Variants in AHNAK observed in about 807,000 individuals in gnomAD.
The protein encoded by AHNAK is neuroblast differentiation-associated protein AHNAK.
AHNAK carries 23 observed loss-of-function variants against 37.8 expected under a neutral mutation model. The observed-to-expected ratio is 0.61, with a 90% confidence interval of 0.44 to 0.86. AHNAK has a LOEUF of 0.86. Ranked by LOEUF, AHNAK falls within the 40% of genes least tolerant of loss-of-function variation. AHNAK has a pLI of 0.00. For missense variants in AHNAK, 7,411 were observed against 7,319.4 expected, an observed-to-expected ratio of 1.01 and a Z score of -0.46; for synonymous variants, 2,481 against 2,636.3, an observed-to-expected ratio of 0.94 and a Z score of 1.80.
Position 62,523,974 on chromosome 11 carries a change from T to TTTGGGCATTTTCATC in AHNAK, c.10428_10442dup (p.Met3477_Lys3481dup), listed in dbSNP as rs749918181. 3.1e-6 allele frequency: 5 copies of TTTGGGCATTTTCATC among 1,612,550 alleles called. No homozygotes were observed. The African/African-American group carries it at 6.7e-5, about 22-fold the overall frequency. On this transcript the variant is annotated inframe_insertion, in exon 5 of 5. Transcript: ENST00000378024. ...CTGCTTTTAAGCCAGACACACTGAA[T>TTTGGGCATTTTCATC]TTGGGCATTTTCATCTTGGGCATTT... is the stretch of plus-strand genomic sequence containing the variant.
Position 62,536,022 on chromosome 11 carries a change from G to C in AHNAK, c.77C>G (p.Ala26Gly). 6.2e-7 allele frequency: 1 copy of C among 1,612,640 alleles called. No individual in the cohort carries two copies. The highest frequency in any genetic ancestry group is 8.5e-7 in the Non-Finnish European group (1 of 1,179,286). Residue 26 changes from alanine (A) to glycine (G), a missense_variant, in exon 3 of 5, where the codon GCC (alanine) becomes GGC (glycine). Ala to Gly is a moderately conservative substitution (Grantham distance 60, BLOSUM62 0). Coordinates refer to ENST00000378024, the MANE Select transcript of AHNAK (RefSeq NM_001620.3). ...QGSGSHGLTI[A>G]QRDDGVFVQE... ...CACAAAGACGCCGTCGTCCCTCTGGGCGATGGTCAGCCCGTGGGAGCCACT... is the reference window on the plus strand; with the variant it reads ...CACAAAGACGCCGTCGTCCCTCTGGCCGATGGTCAGCCCGTGGGAGCCACT...
At chr11:62,461,143 CTTTTT>C (rs71056521) in intron 5 of AHNAK, among the ~76,000 whole-genome samples, 2 of 79,838 alleles carry the variant, frequency 2.5e-5, no homozygotes, top group Non-Finnish European at 4.5e-5. Flanking sequence ...CCAAATTCCC[CTTTTT>C]TTTTTTTTTT....
In AHNAK at chr11:62,524,647, C is replaced by T; in HGVS notation, c.9770G>A (p.Gly3257Asp). ...DLKGPALDIK[G>D]PKIDVDAPDI... is the part of the protein sequence containing the mutation. ...TGGAGCATCTACATCTATCTTTGGG[C>T]CTTTTATGTCAAGAGCAGGTCCTTT... is the stretch of plus-strand genomic sequence containing the variant. The change falls in exon 5 of 5, where the codon GGC (glycine) becomes GAC (aspartate). Residue 3257 changes from glycine to aspartate, a missense_variant. By Grantham distance (94) the Gly-to-Asp change is moderately conservative. Coordinates refer to ENST00000378024, the MANE Select transcript of AHNAK (RefSeq NM_001620.3). 6.2e-7 allele frequency: 1 copy of T among 1,614,178 alleles called. No individual in the cohort carries two copies. The highest frequency in any genetic ancestry group is 8.5e-7 in the Non-Finnish European group (1 of 1,180,030).
intron 1 of AHNAK, among the ~76,000 whole-genome samples, chr11:62,539,888 C>T (rs1385636534): frequency 6.6e-6 from 1 of 152,200 alleles, no homozygotes. Context: ...CCATTCAGTT[C>T]CGCGGAAGGG....
chr11:62,529,866 C>A lies in AHNAK; in HGVS notation c.4551G>T (p.Lys1517Asn), dbSNP rs371736964. 5.6e-6 allele frequency: 9 copies of A among 1,613,766 alleles called. No individual in the cohort carries two copies. The African/African-American group carries it at 1.2e-4, about 22-fold the overall frequency. Residue 1517 changes from lysine (K) to asparagine (N), a missense_variant, in exon 5 of 5, where the codon AAG becomes AAT. Lys to Asn is a moderately conservative substitution (Grantham distance 94). Coordinates refer to ENST00000378024, the MANE Select transcript of AHNAK (RefSeq NM_001620.3). ...CTCCTTTAAAGCCAGGCATGCTGAA[C>A]TTGGGCATTTTTACCTTGGGCATCT... ...HLKMPKVKMP[K>N]FSMPGFKGEG...
chr11:62,518,961 C>A lies in AHNAK; in HGVS notation c.15456G>T (p.Val5152=), dbSNP rs200216836. The A allele has an allele frequency of 1.2e-6, 2 of 1,614,152 alleles. No individual in the cohort carries two copies. Among genetic ancestry groups the A allele is most frequent in the African/African-American group, 2.7e-5 (2 of 75,028 alleles). The change falls in exon 5 of 5, where the codon GTG becomes GTT. Residue 5152 remains valine, a synonymous_variant. Transcript: ENST00000378024. ...CTTTCAGGTCACCCTCTATTTTTGG[C>A]ACTGAGATGTCCACATCTGGCATCT... The part of the protein sequence containing the change: ...KVKMPDVDIS[V]PKIEGDLKGP...
intron 4 of AHNAK, among the ~76,000 whole-genome samples, chr11:62,500,227 C>G (rs552263740): frequency 6.6e-6 from 1 of 152,094 alleles, no homozygotes. Context: ...AAACGAGGAC[C>G]GTAGTAAACG....
intron 1 of AHNAK, among the ~76,000 whole-genome samples, chr11:62,542,596 T>C (rs1941164539): frequency 1.3e-5 from 2 of 152,188 alleles, no homozygotes; most frequent in African/African-American, 2.4e-5. Context: ...CATGCTACAG[T>C]GAGCTTGGAA....
At chr11:62,546,457 C>A (rs1367158364) in intron 1 of AHNAK, among the ~76,000 whole-genome samples, 6 of 152,246 alleles carry the variant, frequency 3.9e-5, no homozygotes, top group Admixed American at 3.9e-4. Context: ...AACCAACTTG[C>A]GCCCCAACTC....
rs1352152898 is a variant in AHNAK, at chr11:62,523,643, C to A, written c.10774G>T (p.Asp3592Tyr). The A allele has an allele frequency of 6.2e-7, 1 of 1,614,008 alleles. No homozygotes were observed. The highest frequency in any genetic ancestry group is 8.5e-7 in the Non-Finnish European group (1 of 1,180,026). ...PKVDINAPDVDVHGPDWHLKM... is the reference protein window; with the variant it reads ...PKVDINAPDVYVHGPDWHLKM... ...AGATGCCAGTCTGGACCATGAACAT[C>A]CACATCTGGGGCATTGATGTCCACT... The change falls in exon 5 of 5, where the codon GAT (aspartate) becomes TAT (tyrosine). Residue 3592 changes from aspartate (D) to tyrosine (Y), a missense_variant. Physicochemically the swap from Asp to Tyr is radical, Grantham distance 160. Coordinates refer to ENST00000378024, the MANE Select transcript of AHNAK (RefSeq NM_001620.3).
chr11:62,506,799 G>A (rs985265119), intron 4 of AHNAK, among the ~76,000 whole-genome samples: 4 of 151,976 alleles, frequency 2.6e-5, no homozygotes, highest in Non-Finnish European at 5.9e-5. Flanking sequence ...AAGGACCCAG[G>A]GTGGCCCGGG....
chr11:62,465,297 G>A lies in AHNAK; in HGVS notation c.442+26435C>T, dbSNP rs143317831. On this transcript the variant is annotated intron_variant, in intron 5 of 5. Coordinates refer to the AHNAK transcript ENST00000257247. ...TGAATGGAATCTTATTTGGAAACAC[G>A]GTCTTTGCAGATGTGATCAAATTTT... Among the ~76,000 whole-genome samples, 412 of 152,228 alleles carry A rather than the reference G, an allele frequency of 2.7e-3. 2 individuals are homozygous for A. Among genetic ancestry groups the A allele is most frequent in the Admixed American group, 0.024 (364 of 15,264 alleles).
downstream of AHNAK, among the ~76,000 whole-genome samples, chr11:62,512,134 A>G: frequency 6.6e-6 from 1 of 152,198 alleles, no homozygotes; most frequent in East Asian, 1.9e-4. This position sits in a 1 kb window ranked among gnomAD's most constrained non-coding sequence, Gnocchi z 4.0. Flanking sequence ...GGCGTGAGCC[A>G]CTGCACCTGG....
chr11:62,492,652 T>G (rs1387762026), intron 4 of AHNAK, among the ~76,000 whole-genome samples: 2 of 152,062 alleles, frequency 1.3e-5, no homozygotes, highest in African/African-American at 4.8e-5. Context: ...GAGGATCACC[T>G]GAGCCTAGGA....
chr11:62,454,596 ACCCTGGGG>A (rs1417766721), intron 5 of AHNAK, among the ~76,000 whole-genome samples: 1 of 152,124 alleles, frequency 6.6e-6, no homozygotes, highest in East Asian at 1.9e-4. Flanking sequence ...GCAGGATGCC[ACCCTGGGG>A]ACCCGCTCCT....
At chr11:62,489,012 G>A (rs1465619356) in intron 5 of AHNAK, among the ~76,000 whole-genome samples, 13 of 151,988 alleles carry the variant, frequency 8.6e-5, no homozygotes, top group Admixed American at 7.2e-4. Context: ...AGGCCCAGGC[G>A]GGTGGATCAC....
chr11:62,531,060 G>A lies in AHNAK; in HGVS notation c.3357C>T (p.Gly1119=), dbSNP rs1331637709. Residue 1119 remains glycine (G), a synonymous_variant, in exon 5 of 5, where the codon GGC becomes GGT. Coordinates refer to ENST00000378024, the MANE Select transcript of AHNAK (RefSeq NM_001620.3). The part of the protein sequence containing the change: ...DIKAPDVEGQ[G]LDWSLKIPKM... ...TGGGTATTTTCAGGCTCCAGTCCAG[G>A]CCTTGGCCTTCCACATCTGGTGCTT... is the stretch of plus-strand genomic sequence containing the variant. 2 of 1,613,048 alleles carry A rather than the reference G, an allele frequency of 1.2e-6. No homozygotes were observed. The highest frequency in any genetic ancestry group is 2.2e-5 in the South Asian group (2 of 91,030).
In AHNAK at chr11:62,521,902, A is replaced by T; in HGVS notation, c.12515T>A (p.Ile4172Asn). ...TTGAACGTCCACATCTGGGACATCA[A>T]TGTCCACTTTGGGGCCCTTGATGTC... ...EVDIKGPKVD[I>N]DVPDVDVQGP... The change falls in exon 5 of 5, where the codon ATT becomes AAT. Residue 4172 changes from isoleucine (I) to asparagine (N), a missense_variant. Transcript: ENST00000378024. 1.9e-6 allele frequency: 3 copies of T among 1,612,640 alleles called. No individual in the cohort carries two copies. The highest frequency in any genetic ancestry group is 2.5e-6 in the Non-Finnish European group (3 of 1,179,692).
In AHNAK at chr11:62,531,758, T is replaced by G. The variant is rs115879106; in HGVS notation, c.2659A>C (p.Met887Leu). 1.2e-6 allele frequency: 2 copies of G among 1,607,588 alleles called. No homozygotes were observed. Among genetic ancestry groups the G allele is most frequent in the Non-Finnish European group, 1.7e-6 (2 of 1,177,578 alleles). The change falls in exon 5 of 5, where the codon ATG (methionine) becomes CTG (leucine). Residue 887 changes from methionine (M) to leucine (L), a missense_variant. Physicochemically the swap from Met to Leu is conservative, Grantham distance 15 (BLOSUM62 2). Coordinates refer to ENST00000378024, the MANE Select transcript of AHNAK (RefSeq NM_001620.3). ...MPKMKMPKFSMPGFKAEGPEV... is the reference protein window; with the variant it reads ...MPKMKMPKFSLPGFKAEGPEV... Reference sequence around the variant, plus strand: ...GGGCCCTCTGCTTTGAAGCCAGGCATGCTGAACTTGGGCATTTTCATCTTG... The same window carrying G: ...GGGCCCTCTGCTTTGAAGCCAGGCAGGCTGAACTTGGGCATTTTCATCTTG...
Sources: allele counts gnomAD v4.1 joint callset (sites outside exome capture counted in the v4.1 genomes callset), GRCh38; gene constraint gnomAD v4.1.1; non-coding constraint Gnocchi (gnomAD v3.1); transcripts MANE v1.5; gene names NCBI Gene and HGNC (gene_info 2026-07-23, HGNC 2026-07-21).